TCTN1: variants seen among roughly 807,000 people sequenced by gnomAD.
TCTN1 encodes tectonic-1.
In TCTN1, 58 loss-of-function variants were observed where a neutral mutation model predicts 65.8. The ratio of observed to expected loss-of-function variants is 0.88; its 90% CI spans 0.71 to 1.10. The LOEUF (loss-of-function observed/expected upper bound fraction) is 1.10, where lower values mean the gene tolerates loss of function less well. Among genes scored for constraint, TCTN1 ranks in the 50% least tolerant of loss-of-function variants. The pLI, the probability that TCTN1 is intolerant of heterozygous loss-of-function variation, is 0.00. For missense variants in TCTN1, 645 were observed against 719.4 expected (o/e 0.90, Z 1.18); for synonymous variants, 273 against 289.1 (o/e 0.94, Z 0.57).
chr12:110,643,759 G>A (rs1194372930), intron 11 of TCTN1: 1 of 152,004 alleles, frequency 6.6e-6, no homozygotes, highest in African/African-American at 2.4e-5. Flanking sequence ...CTGCAGCCTT[G>A]GCCTACAGGC....
rs1033956622 is a variant in TCTN1, at chr12:110,622,310, T to C, written c.341+2354T>C. Among the ~76,000 whole-genome samples, 23 of 152,122 alleles carry C rather than the reference T, an allele frequency of 1.5e-4. 1 individual carries two copies. Among genetic ancestry groups the C allele is most frequent in the African/African-American group, 5.1e-4 (21 of 41,426 alleles). ...CCCTTGCCTCTTCCTTTCCTTTTCCTGTCTCAGCAGTCTTTCCTTTCTCCC... is the reference window on the plus strand; with the variant it reads ...CCCTTGCCTCTTCCTTTCCTTTTCCCGTCTCAGCAGTCTTTCCTTTCTCCC... On this transcript the variant is annotated intron_variant, in intron 2 of 14. Transcript: ENST00000397659.
intron 2 of TCTN1, among the ~76,000 whole-genome samples, chr12:110,621,103 C>T (rs942894069): frequency 2.0e-5 from 3 of 152,182 alleles, no homozygotes; most frequent in African/African-American, 4.8e-5. Flanking sequence ...ACGCGCCCAG[C>T]TTCAAGGCTT....
chr12:110,642,527 G>A, intron 11 of TCTN1, 138 bp downstream of exon 11: 1 of 1,230,168 alleles, frequency 8.1e-7, no homozygotes, highest in Non-Finnish European at 1.2e-6. Context: ...CATCATGCAT[G>A]AATAGTAGCA....
In TCTN1 at chr12:110,640,403, C is replaced by T. The variant is rs759380913; in HGVS notation, c.864C>T (p.Ser288=). 20 of 1,613,958 alleles carry T rather than the reference C, an allele frequency of 1.2e-5. No homozygotes were observed. The highest frequency in any genetic ancestry group is 1.6e-5 in the Non-Finnish European group (19 of 1,179,976). ...TGCAGGTCCCTATCACTGTTCAGTC[C>T]ATCGTCATTCAGTCTCTAAATAAAA... ...SRKKVPITVQ[S]IVIQSLNKTL... is the part of the protein sequence containing the mutation. The change falls in exon 8 of 15, where the codon TCC becomes TCT. Residue 288 remains serine, a synonymous_variant. Transcript: ENST00000397659. The surrounding 1 kb of genome is among the most constrained non-coding windows in gnomAD (Gnocchi z 4.9).
At chr12:110,646,402 T>C (rs915359835) in intron 12 of TCTN1, 1 of 152,176 alleles carries the variant, frequency 6.6e-6, no homozygotes, top group African/African-American at 2.4e-5. Flanking sequence ...AAAGCTTTTT[T>C]TTTTTAATGA....
In TCTN1 at chr12:110,636,477, C is replaced by G. The variant is rs754017886; in HGVS notation, c.823-4C>G. 8.7e-6 allele frequency: 12 copies of G among 1,373,386 alleles called. 1 individual carries two copies. Among genetic ancestry groups the G allele is most frequent in the Middle Eastern group, 2.0e-4 (1 of 4,932 alleles). The allele number at this position is 1,373,386 out of a possible 1,614,324, so 85.1% of individuals were successfully genotyped here. A position where few individuals can be genotyped will look rare whatever the true frequency, so the allele number is the denominator to read the frequency against. Reference sequence around the variant, plus strand: ...ACAATTTTTTGTGGTTTCTTTTTATCTAGGTACCTGATTCAAGAAAAAAGG... The same window carrying G: ...ACAATTTTTTGTGGTTTCTTTTTATGTAGGTACCTGATTCAAGAAAAAAGG... On this transcript the variant is annotated splice_region_variant and splice_polypyrimidine_tract_variant and intron_variant, in intron 6 of 14. Coordinates refer to ENST00000397659, the MANE Select transcript of TCTN1 (RefSeq NM_001082538.3).
chr12:110,626,543 A>C (rs1425166329), intron 3 of TCTN1, 51 bp downstream of exon 3: 2 of 1,548,484 alleles, frequency 1.3e-6, no homozygotes, highest in Admixed American at 1.7e-5. Flanking sequence ...AATTTTTCTC[A>C]AAGTTATGGA....
intron 4 of TCTN1, chr12:110,630,336 A>C (rs1317284809): frequency 6.6e-6 from 1 of 152,236 alleles, no homozygotes; most frequent in East Asian, 1.9e-4. Flanking sequence ...TCAACCTTAA[A>C]AGATGCAGCA....
rs989187910 is a variant in TCTN1, at chr12:110,639,624, G to T, written c.844-759G>T. The stretch of plus-strand genomic sequence containing the variant: ...GTAGGAGTTGTGTTTTGGAGGTGAG[G>T]ATATATATGTGTGCTTGACAGTGTG... On this transcript the variant is annotated intron_variant, in intron 7 of 14. Coordinates refer to ENST00000397659, the MANE Select transcript of TCTN1 (RefSeq NM_001082538.3). The surrounding 1 kb of genome is among the most constrained non-coding windows in gnomAD (Gnocchi z 4.9). Among the ~76,000 whole-genome samples the T allele has an allele frequency of 1.3e-5, 2 of 151,950 alleles. No homozygotes were observed. Among genetic ancestry groups the T allele is most frequent in the Non-Finnish European group, 2.9e-5 (2 of 67,984 alleles).
rs2065297560 is a variant in TCTN1, at chr12:110,619,911, C to T, written c.296C>T (p.Ser99Phe). 1.9e-6 allele frequency: 3 copies of T among 1,614,052 alleles called. No homozygotes were observed. Among genetic ancestry groups the T allele is most frequent in the African/African-American group, 2.7e-5 (2 of 74,990 alleles). ...TGCTGCTGTGATCCCGACTGCAGCT[C>T]CGTGGATTTCAGTGTCTTTTCTGCC... The part of the protein sequence containing the change: ...INCCCDPDCS[S>F]VDFSVFSACS... Residue 99 changes from serine to phenylalanine, a missense_variant, in exon 2 of 15, where the codon TCC becomes TTC. Physicochemically the swap from Ser to Phe is radical, Grantham distance 155. Coordinates refer to ENST00000397659, the MANE Select transcript of TCTN1 (RefSeq NM_001082538.3).
chr12:110,619,734 G>C, intron 1 of TCTN1, 102 bp from the exon 2 acceptor site: 2 of 1,578,226 alleles, frequency 1.3e-6, no homozygotes, highest in Non-Finnish European at 1.7e-6. Context: ...AAATAAAATG[G>C]ATCTTTTTTA....
At chr12:110,645,243 C>A in intron 12 of TCTN1, 114 bp downstream of exon 12, 1 of 1,390,144 alleles carries the variant, frequency 7.2e-7, no homozygotes, top group East Asian at 2.4e-5. Flanking sequence ...TGAGTGGGAG[C>A]GCGGGCTGAA....
At position 110,628,838 on chromosome 12, in the gene TCTN1, T is replaced by C. The variant is rs2066030886; in HGVS notation, c.544T>C (p.Ser182Pro). The C allele has an allele frequency of 1.2e-6, 2 of 1,613,376 alleles. No homozygotes were observed. The highest frequency in any genetic ancestry group is 1.7e-4 in the Middle Eastern group (1 of 6,058). The change falls in exon 4 of 15, where the codon TCT becomes CCT. Residue 182 changes from serine (S) to proline (P), a missense_variant. Transcript: ENST00000397659. ...CAATTTTGATACATTGATGAAAACA[T>C]CTGATGGTTTTACATTGAATGCTGA... ...ENNFDTLMKTSDGFTLNAESY... is the reference protein window; with the variant it reads ...ENNFDTLMKTPDGFTLNAESY...
At chr12:110,621,230 G>T (rs2065408541) in intron 2 of TCTN1, among the ~76,000 whole-genome samples, 1 of 152,172 alleles carries the variant, frequency 6.6e-6, no homozygotes. Flanking sequence ...ATTGATACTT[G>T]ATAGGTGAAC....
intron 4 of TCTN1, chr12:110,629,244 A>G: frequency 2.3e-6 from 1 of 443,654 alleles, no homozygotes; most frequent in South Asian, 3.7e-5. Context: ...AAATTGACAA[A>G]TGGGATCTAA....
intron 3 of TCTN1, chr12:110,627,960 G>GTGATA: frequency 7.5e-7 from 1 of 1,332,566 alleles, no homozygotes; most frequent in Non-Finnish European, 1.0e-6. Context: ...GTAATCTGAA[G>GTGATA]TGATAACTGG....
At chr12:110,641,669 T>C in intron 10 of TCTN1, 42 bp downstream of exon 10, 2 of 1,571,948 alleles carry the variant, frequency 1.3e-6, no homozygotes, top group Non-Finnish European at 1.8e-6. Context: ...TATTTCTCTC[T>C]CCATGTGCGT....
At chr12:110,628,217 GT>G (rs1441664374) in intron 3 of TCTN1, 2 of 1,535,734 alleles carry the variant, frequency 1.3e-6, no homozygotes, top group Non-Finnish European at 1.7e-6. Context: ...CTGTTGTGCT[GT>G]TTACTTGTAA....
intron 1 of TCTN1, chr12:110,616,276 G>T: frequency 6.7e-6 from 3 of 446,216 alleles, no homozygotes; most frequent in Admixed American, 2.4e-5. Flanking sequence ...TTTGGTCACA[G>T]GGTCTCACTC....
Sources: allele counts gnomAD v4.1 joint callset (sites outside exome capture counted in the v4.1 genomes callset), GRCh38; gene constraint gnomAD v4.1.1; non-coding constraint Gnocchi (gnomAD v3.1); transcripts MANE v1.5; gene names NCBI Gene and HGNC (gene_info 2026-07-23, HGNC 2026-07-21).